The following ARHGAP28 variants were observed in gnomAD, a reference collection of about 807,000 sequenced individuals.
ARHGAP28 encodes Rho GTPase activating protein 28.
In ARHGAP28, 56 loss-of-function variants were observed where a neutral mutation model predicts 90.7. The observed-to-expected ratio is 0.62, with a 90% CI of 0.50 to 0.77. The LOEUF is 0.77. ARHGAP28 is among the 30% of genes least tolerant of loss of function. ARHGAP28 has a pLI of 0.00. For missense variants in ARHGAP28, 869 were observed against 900.9 expected (o/e 0.96, Z 0.45); for synonymous variants, 308 against 323.3 (o/e 0.95, Z 0.51).
chr18:6,735,040 C>T (rs186097533), intron 1 of ARHGAP28, among the ~76,000 whole-genome samples: 3 of 152,284 alleles, frequency 2.0e-5, no homozygotes, highest in African/African-American at 7.2e-5. Flanking sequence ...AAGCTGCTCA[C>T]TTCTCCCTGA....
chr18:6,827,078 T>C (rs1014794932), intron 2 of ARHGAP28, among the ~76,000 whole-genome samples: 13 of 152,116 alleles, frequency 8.5e-5, no homozygotes, highest in Non-Finnish European at 1.3e-4. Flanking sequence ...AAGTCTCCCG[T>C]GTCTACCTCT....
intron 1 of ARHGAP28, among the ~76,000 whole-genome samples, chr18:6,823,822 A>G (rs1417564886): frequency 1.3e-5 from 2 of 152,050 alleles, no homozygotes; most frequent in Non-Finnish European, 2.9e-5. Flanking sequence ...ATCTCAGCTC[A>G]CTGAAACTTC....
chr18:6,811,909 A>G (rs2056559800), intron 1 of ARHGAP28, among the ~76,000 whole-genome samples: 2 of 152,264 alleles, frequency 1.3e-5, no homozygotes, highest in East Asian at 3.9e-4. Flanking sequence ...TTTTTTCTCA[A>G]CTATATGATT....
chr18:6,757,993 A>G (rs1229829507), intron 1 of ARHGAP28, among the ~76,000 whole-genome samples: 1 of 152,108 alleles, frequency 6.6e-6, no homozygotes, highest in Non-Finnish European at 1.5e-5. Flanking sequence ...GCCGAGCTAT[A>G]AATTTTTGGC....
intron 1 of ARHGAP28, among the ~76,000 whole-genome samples, chr18:6,756,828 A>G (rs2056114292): frequency 6.6e-6 from 1 of 152,322 alleles, no homozygotes; most frequent in Admixed American, 6.5e-5. Context: ...GTTCAAGGGC[A>G]GGAAGCATCC....
intron 14 of ARHGAP28, 148 bp downstream of exon 14, chr18:6,890,691 G>A (rs2057258721): frequency 1.9e-6 from 1 of 522,654 alleles, no homozygotes; most frequent in Non-Finnish European, 3.4e-6. Context: ...CATGGAAAGT[G>A]GGTCCATAAC....
rs1310372282 is a variant in ARHGAP28, at chr18:6,915,081, T to C, written c.*2927T>C. On this transcript the variant is annotated 3_prime_UTR_variant, in exon 18 of 18. Coordinates refer to ENST00000383472, the MANE Select transcript of ARHGAP28 (RefSeq NM_001366230.1). Reference sequence around the variant, plus strand: ...TTCAGTGTATGTTTAATAATATACATTTAATGATGAAAAATATTTTCAGCA... The same window carrying C: ...TTCAGTGTATGTTTAATAATATACACTTAATGATGAAAAATATTTTCAGCA... 1 of 152,498 alleles carries C rather than the reference T, an allele frequency of 6.6e-6. No homozygotes were observed. The highest frequency in any genetic ancestry group is 1.5e-5 in the Non-Finnish European group (1 of 68,028). The allele number at this position is 152,498 out of a possible 1,614,324, so 9.4% of individuals were successfully genotyped here.
At chr18:6,819,882 G>C (rs926841980) in intron 1 of ARHGAP28, among the ~76,000 whole-genome samples, 1 of 152,144 alleles carries the variant, frequency 6.6e-6, no homozygotes, top group African/African-American at 2.4e-5. Flanking sequence ...CTCAACTCCT[G>C]ATTGGATTGA....
intron 1 of ARHGAP28, among the ~76,000 whole-genome samples, chr18:6,818,919 A>G (rs1221312496): frequency 1.3e-5 from 2 of 152,246 alleles, no homozygotes; most frequent in Admixed American, 1.3e-4. Context: ...ACATTTACTT[A>G]TAACTGCAAG....
intron 1 of ARHGAP28, among the ~76,000 whole-genome samples, chr18:6,817,658 T>C (rs1287015073): frequency 6.6e-6 from 1 of 152,188 alleles, no homozygotes; most frequent in African/African-American, 2.4e-5. Flanking sequence ...TCAAGGCCAA[T>C]TGCTACAATT....
intron 1 of ARHGAP28, among the ~76,000 whole-genome samples, chr18:6,739,855 C>CT (rs145660239): frequency 0.013 from 1,725 of 134,778 alleles, 46 homozygotes; most frequent in African/African-American, 0.04. Flanking sequence ...CATAAGAATT[C>CT]TTTTTTTTTT....
chr18:6,907,560 A>G (rs2057370949), intron 16 of ARHGAP28, among the ~76,000 whole-genome samples: 2 of 152,318 alleles, frequency 1.3e-5, no homozygotes, highest in South Asian at 4.1e-4. Context: ...AATGTTTCAT[A>G]CTGTGTGTTT....
intron 6 of ARHGAP28, among the ~76,000 whole-genome samples, chr18:6,869,480 CA>C (rs1175604143): frequency 6.6e-6 from 1 of 151,916 alleles, no homozygotes; most frequent in African/African-American, 2.4e-5. Flanking sequence ...AGGCTGGTCT[CA>C]AACTCCTGAC....
rs895719714 is a variant in ARHGAP28, at chr18:6,915,327, C to T, written c.*3173C>T. On this transcript the variant is annotated 3_prime_UTR_variant, in exon 18 of 18. Transcript: ENST00000383472. ...GAGTTAAAATGTCCCTTCTTCCTAG[C>T]GAGCATATTTCAACTGTTCTTCATA... 1 of 152,250 alleles carries T rather than the reference C, an allele frequency of 6.6e-6. No individual in the cohort carries two copies. Among genetic ancestry groups the T allele is most frequent in the African/African-American group, 2.4e-5 (1 of 41,550 alleles). The allele number at this position is 152,250 out of a possible 1,614,324, so 9.4% of individuals were successfully genotyped here.
At chr18:6,821,605 CA>C (rs1178111942) in intron 1 of ARHGAP28, among the ~76,000 whole-genome samples, 1 of 152,092 alleles carries the variant, frequency 6.6e-6, no homozygotes, top group African/African-American at 2.4e-5. Flanking sequence ...TATCTCTAAC[CA>C]AAAATGTGAG....
At chr18:6,847,915 C>G (rs1336894023) in intron 3 of ARHGAP28, among the ~76,000 whole-genome samples, 3 of 152,078 alleles carry the variant, frequency 2.0e-5, no homozygotes, top group Middle Eastern at 3.2e-3. Context: ...CGCAAGCTTC[C>G]GAGAGTCCTC....
At chr18:6,837,970 A>G (rs778089252) in intron 3 of ARHGAP28, among the ~76,000 whole-genome samples, 4 of 152,192 alleles carry the variant, frequency 2.6e-5, no homozygotes, top group Non-Finnish European at 5.9e-5. Flanking sequence ...GTTCTAGCTT[A>G]CCCTTAGCAA....
intron 16 of ARHGAP28, among the ~76,000 whole-genome samples, chr18:6,900,289 A>C (rs1456201213): frequency 2.0e-5 from 2 of 101,428 alleles, no homozygotes; most frequent in Non-Finnish European, 4.4e-5. Context: ...TCATAAAAGC[A>C]AAATCACATG....
intron 1 of ARHGAP28, among the ~76,000 whole-genome samples, chr18:6,783,713 C>G (rs1567946215): frequency 6.6e-6 from 1 of 152,200 alleles, no homozygotes; most frequent in African/African-American, 2.4e-5. Context: ...ACAAGCCCCC[C>G]TTGCCCTCTA....
Sources: allele counts gnomAD v4.1 joint callset (sites outside exome capture counted in the v4.1 genomes callset), GRCh38; gene constraint gnomAD v4.1.1; transcripts MANE v1.5; gene names NCBI Gene and HGNC (gene_info 2026-07-23, HGNC 2026-07-21).